Variants in MYZAP observed in about 807,000 individuals in gnomAD.
MYZAP encodes GRINL1A complex locus upstream.
In MYZAP, 66 loss-of-function variants were observed where a neutral mutation model predicts 69.4. The observed-to-expected ratio is 0.95, with a 90% CI of 0.78 to 1.17. The LOEUF is 1.17. Ranked by LOEUF, MYZAP falls within the 50% of genes most tolerant of loss-of-function variation. The pLI is 0.00. For synonymous variants in MYZAP, 256 were observed against 205.9 expected (o/e 1.24, Z -2.09); for missense variants, 611 against 556.2 (o/e 1.10, Z -0.99).
At chr15:57,647,423 T>C (rs1488565534) in intron 10 of MYZAP, 3 of 985,330 alleles carry the variant, frequency 3.0e-6, no homozygotes, top group Admixed American at 6.1e-5. Flanking sequence ...TTTATTGCTG[T>C]AATGTTTTTC....
intron 2 of MYZAP, among the ~76,000 whole-genome samples, chr15:57,616,038 C>T (rs1391010002): frequency 2.6e-5 from 4 of 152,220 alleles, no homozygotes; most frequent in Non-Finnish European, 4.4e-5. Flanking sequence ...GCCCCTACCC[C>T]ATCCATGGTT....
chr15:57,664,229 G>C (rs889590715), intron 11 of MYZAP, among the ~76,000 whole-genome samples: 1 of 152,046 alleles, frequency 6.6e-6, no homozygotes, highest in African/African-American at 2.4e-5. Context: ...TAGAGGATGT[G>C]GGTTACATAG....
chr15:57,674,548 G>A (rs148974700), intron 11 of MYZAP, among the ~76,000 whole-genome samples: 3 of 152,086 alleles, frequency 2.0e-5, no homozygotes, highest in Non-Finnish European at 2.9e-5. Flanking sequence ...TGGCAAAAAC[G>A]TGATAAATAT....
intron 5 of MYZAP, among the ~76,000 whole-genome samples, chr15:57,629,082 C>CAAAAAAAAAAAAAAAAAAAAAA (rs1491291717): frequency 3.2e-5 from 1 of 31,446 alleles, no homozygotes. Context: ...GGCTCTGTCT[C>CAAAAAAAAAAAAAAAAAAAAAA]AAAAACAAAA....
intron 11 of MYZAP, among the ~76,000 whole-genome samples, chr15:57,664,418 T>C (rs1434733540): frequency 6.6e-6 from 1 of 152,212 alleles, no homozygotes; most frequent in African/African-American, 2.4e-5. Context: ...GACATTCAAA[T>C]ACTTGGTTTT....
At chr15:57,613,129 TCA>T (rs1331643969) in intron 2 of MYZAP, among the ~76,000 whole-genome samples, 2 of 151,958 alleles carry the variant, frequency 1.3e-5, no homozygotes, top group African/African-American at 4.8e-5. Context: ...AGATGGGGTT[TCA>T]CCGTGTTAGC....
chr15:57,624,739 C>T (rs2036023837), intron 4 of MYZAP, among the ~76,000 whole-genome samples: 1 of 152,218 alleles, frequency 6.6e-6, no homozygotes, highest in Non-Finnish European at 1.5e-5. Context: ...CCAAGTCATC[C>T]TACCTACTGC....
intron 12 of MYZAP, among the ~76,000 whole-genome samples, chr15:57,677,268 T>C (rs1276831087): frequency 6.6e-6 from 1 of 152,250 alleles, no homozygotes; most frequent in Non-Finnish European, 1.5e-5. Context: ...AGTCAGCTTT[T>C]AGTTTGTTTT....
At chr15:57,624,075 T>C (rs1477707848) in intron 4 of MYZAP, among the ~76,000 whole-genome samples, 1 of 152,208 alleles carries the variant, frequency 6.6e-6, no homozygotes, top group Non-Finnish European at 1.5e-5. Flanking sequence ...AATATAAAAG[T>C]AACTTTATAC....
intron 10 of MYZAP, among the ~76,000 whole-genome samples, chr15:57,643,081 C>T (rs1213356402): frequency 6.6e-6 from 1 of 152,156 alleles, no homozygotes; most frequent in African/African-American, 2.4e-5. Context: ...ACTAGTTCTT[C>T]CAGCTGATTC....
At chr15:57,652,032 T>C (rs374377590) in intron 10 of MYZAP, among the ~76,000 whole-genome samples, 3 of 152,312 alleles carry the variant, frequency 2.0e-5, no homozygotes, top group South Asian at 4.1e-4. Context: ...TACTTCAAAC[T>C]TAATAGGAAA....
At chr15:57,676,457 T>C (rs1267415977) in intron 12 of MYZAP, among the ~76,000 whole-genome samples, 8 of 132,164 alleles carry the variant, frequency 6.1e-5, no homozygotes, top group African/African-American at 1.9e-4. Context: ...TATATATATA[T>C]ACATATATAT....
chr15:57,648,158 A>G, intron 10 of MYZAP: 1 of 984,362 alleles, frequency 1.0e-6, no homozygotes, highest in Non-Finnish European at 1.2e-6. Flanking sequence ...CTAAAATGTC[A>G]ATTTTTAGAA....
intron 5 of MYZAP, among the ~76,000 whole-genome samples, chr15:57,626,881 T>C (rs572465355): frequency 1.3e-5 from 2 of 152,294 alleles, no homozygotes; most frequent in South Asian, 4.1e-4. Context: ...GCGATGCCCA[T>C]TTCTGGTGGG....
At position 57,684,729 on chromosome 15, in the gene MYZAP, C is replaced by T. The variant is rs151154420; in HGVS notation, c.*231C>T. 332 of 372,914 alleles carry T rather than the reference C, an allele frequency of 8.9e-4. No individual in the cohort carries two copies. The highest frequency in any genetic ancestry group is 1.3e-3 in the Admixed American group (30 of 22,746). 23.1% of individuals were successfully genotyped at this position (372,914 alleles called of 1,614,324 possible). A position where few individuals can be genotyped will look rare whatever the true frequency, so the allele number is the denominator to read the frequency against. ...CAGACACCCACTCGGCATACCCTGC[C>T]GTACTGCATCATCATTTGTTTTCTT... On this transcript the variant is annotated 3_prime_UTR_variant, in exon 13 of 13. Coordinates refer to ENST00000267853, the MANE Select transcript of MYZAP (RefSeq NM_001018100.5).
intron 5 of MYZAP, 112 bp from the exon 6 acceptor site, chr15:57,629,590 C>T (rs190656121): frequency 3.3e-5 from 47 of 1,421,882 alleles, no homozygotes; most frequent in Non-Finnish European, 4.0e-5. Context: ...GTTGCTGTAG[C>T]CTAGGACAGC....
At chr15:57,662,925 GTC>G (rs2038383325) in intron 11 of MYZAP, among the ~76,000 whole-genome samples, 1 of 152,178 alleles carries the variant, frequency 6.6e-6, no homozygotes, top group Non-Finnish European at 1.5e-5. Flanking sequence ...ACGCCCAAGA[GTC>G]TCTGTCTTTT....
chr15:57,646,921 T>G, intron 10 of MYZAP: 1 of 985,446 alleles, frequency 1.0e-6, no homozygotes, highest in Non-Finnish European at 1.2e-6. Context: ...ATAGAGGTCT[T>G]TCTTGAGATT....
chr15:57,606,083 C>T (rs1180770247), intron 2 of MYZAP, among the ~76,000 whole-genome samples: 3 of 152,116 alleles, frequency 2.0e-5, no homozygotes, highest in African/African-American at 7.2e-5. Context: ...CAGGTATACT[C>T]ATCAATAGAT....
Sources: gnomAD v4.1 joint callset for allele counts (sites outside exome capture counted in the v4.1 genomes callset) on GRCh38, gnomAD v4.1.1 for gene constraint, MANE v1.5 for transcripts, NCBI Gene and HGNC (gene_info 2026-07-23, HGNC 2026-07-21) for gene names.